The following ZFPM1 variants were observed in gnomAD, a reference collection of about 807,000 sequenced individuals.
ZFPM1 encodes the protein zinc finger protein ZFPM1.
A neutral mutation model predicts 46.3 loss-of-function variants in ZFPM1; 28 were observed. That is an observed-to-expected ratio of 0.60 (90% CI 0.45 to 0.83). The LOEUF is 0.83. Ranked by LOEUF, ZFPM1 falls within the 40% of genes least tolerant of loss-of-function variation. The probability of loss-of-function intolerance (pLI) is 0.00; values close to 1 mark genes in which losing one functional copy is unlikely to be tolerated. For missense variants in ZFPM1, 1,878 were observed against 1,432.4 expected, an observed-to-expected ratio of 1.31 and a Z score of -5.02; for synonymous variants, 957 against 675.9, an observed-to-expected ratio of 1.42 and a Z score of -6.45.
At chr16:88,467,028 A>G (rs1908167003) in intron 1 of ZFPM1, among the ~76,000 whole-genome samples, 1 of 152,150 alleles carries the variant, frequency 6.6e-6, no homozygotes, top group African/African-American at 2.4e-5. Context: ...CACCTCTCCA[A>G]AGCCCTCTCT....
At chr16:88,503,832 C>T (rs766676767) in intron 3 of ZFPM1, among the ~76,000 whole-genome samples, 16 of 152,178 alleles carry the variant, frequency 1.1e-4, no homozygotes, top group Non-Finnish European at 1.6e-4. Flanking sequence ...CTTGGGCTCC[C>T]GAGGCCTCAG....
chr16:88,468,892 G>GCCA (rs1304359081), intron 1 of ZFPM1: 1 of 152,948 alleles, frequency 6.5e-6, no homozygotes, highest in East Asian at 1.9e-4. Flanking sequence ...GGAGACCTCT[G>GCCA]CCACCACCAC....
chr16:88,477,514 A>G (rs1266919730), intron 1 of ZFPM1, among the ~76,000 whole-genome samples: 2 of 152,184 alleles, frequency 1.3e-5, no homozygotes, highest in African/African-American at 2.4e-5. Flanking sequence ...TGCAATCCCA[A>G]CACTTTGGGA....
chr16:88,461,125 A>AGAAGG (rs1907841738), intron 1 of ZFPM1, among the ~76,000 whole-genome samples: 1 of 43,620 alleles, frequency 2.3e-5, no homozygotes, highest in African/African-American at 1.5e-4. Context: ...GGACCCAGGG[A>AGAAGG]TGGGGCGGGA....
In ZFPM1 at chr16:88,457,074, A is replaced by G. The variant is rs574453723; in HGVS notation, c.40+3396A>G. Among the ~76,000 whole-genome samples, 4 of 152,336 alleles carry G rather than the reference A, an allele frequency of 2.6e-5. No individual in the cohort carries two copies. In the East Asian group the frequency reaches 7.7e-4, roughly 29 times the overall value. ...GATGACTAATTCACTCCAAGCTTCA[A>G]AGTCACCCACCTGCTCTCCCCAGCA... is the stretch of plus-strand genomic sequence containing the variant. On this transcript the variant is annotated intron_variant, in intron 1 of 9. Transcript: ENST00000319555.
chr16:88,520,116 G>A (rs1911714471), intron 4 of ZFPM1, among the ~76,000 whole-genome samples: 1 of 150,664 alleles, frequency 6.6e-6, no homozygotes, highest in Non-Finnish European at 1.5e-5. Context: ...TGAATGAATG[G>A]GTGGGTGGCT....
intron 1 of ZFPM1, among the ~76,000 whole-genome samples, chr16:88,484,544 G>A (rs1361261351): frequency 1.3e-5 from 2 of 152,250 alleles, no homozygotes; most frequent in Non-Finnish European, 2.9e-5. Flanking sequence ...TCTGGGCTCA[G>A]GAGGGCCACG....
intron 9 of ZFPM1, 97 bp from the exon 10 acceptor site, chr16:88,533,051 T>TGGC: frequency 4.4e-6 from 6 of 1,351,594 alleles, no homozygotes; most frequent in Non-Finnish European, 6.0e-6. Context: ...TCTAAACCAC[T>TGGC]CCCGCCCACC....
chr16:88,479,725 C>T (rs533690835), intron 1 of ZFPM1, among the ~76,000 whole-genome samples: 10 of 149,674 alleles, frequency 6.7e-5, no homozygotes, highest in Non-Finnish European at 1.3e-4. Flanking sequence ...TACCCAGGGC[C>T]AGCAAGACCA....
intron 3 of ZFPM1, among the ~76,000 whole-genome samples, chr16:88,505,570 C>A (rs898501699): frequency 2.6e-5 from 4 of 152,184 alleles, no homozygotes; most frequent in Non-Finnish European, 5.9e-5. Context: ...GGGCCGGCAT[C>A]GCCCTCCGCA....
intron 4 of ZFPM1, among the ~76,000 whole-genome samples, chr16:88,524,505 G>A (rs114334243): frequency 0.01 from 1,551 of 152,244 alleles, 33 homozygotes; most frequent in African/African-American, 0.035. Flanking sequence ...CACCTTTCTC[G>A]GGGCAGCCAC....
In ZFPM1 at chr16:88,512,201, C is replaced by T. The variant is rs575929941; in HGVS notation, c.269-2186C>T. On this transcript the variant is annotated intron_variant, in intron 3 of 9. Coordinates refer to ENST00000319555, the MANE Select transcript of ZFPM1 (RefSeq NM_153813.3). ...GTTTGCCTGTGGGTGCCTCGTGGGC[C>T]GGGTAGGGTGGGCACCAGTTCTGCC... 7.2e-5 allele frequency among the ~76,000 whole-genome samples: 11 copies of T among 152,272 alleles called. No homozygotes were observed. The South Asian group carries it at 1.4e-3, about 20-fold the overall frequency.
intron 3 of ZFPM1, among the ~76,000 whole-genome samples, chr16:88,501,824 G>A (rs1378142038): frequency 2.6e-5 from 4 of 152,060 alleles, no homozygotes; most frequent in African/African-American, 7.2e-5. Context: ...GATGGAGGTA[G>A]TGGGCGTGGG....
chr16:88,526,332 G>A (rs1356711394), intron 4 of ZFPM1, among the ~76,000 whole-genome samples: 2 of 152,216 alleles, frequency 1.3e-5, no homozygotes, highest in Admixed American at 6.5e-5. Flanking sequence ...GCCCACAGAG[G>A]TCATTCTGGA....
intron 3 of ZFPM1, among the ~76,000 whole-genome samples, chr16:88,491,091 C>CGCTGGTGCCTTCGCCCGTCCCGGTCAGGT (rs369643406): frequency 6.6e-6 from 1 of 150,630 alleles, no homozygotes; most frequent in Admixed American, 6.6e-5. Context: ...CCCAGTCAGG[C>CGCTGGTGCCTTCGCCCGTCCCGGTCAGGT]GCTGGTGCCT....
At chr16:88,513,313 A>T (rs1911083886) in intron 3 of ZFPM1, 1 of 152,260 alleles carries the variant, frequency 6.6e-6, no homozygotes, top group African/African-American at 2.4e-5. Context: ...CCTGGGGAAG[A>T]CAAAGACCCA....
rs577100257 is a variant in ZFPM1, at chr16:88,514,424, C to T, written c.306C>T (p.Arg102=). 3.7e-5 allele frequency: 58 copies of T among 1,560,446 alleles called. No individual in the cohort carries two copies. The African/African-American group carries it at 5.8e-4, about 16-fold the overall frequency. The change falls in exon 4 of 10, where the codon CGC becomes CGT. Residue 102 remains arginine (R), a synonymous_variant. Coordinates refer to ENST00000319555, the MANE Select transcript of ZFPM1 (RefSeq NM_153813.3). ...CGGTGGTGCAGGATGGGCAGAGGCGCATACGGGCCCGACTCAGCCTCGCCA... is the reference window on the plus strand; with the variant it reads ...CGGTGGTGCAGGATGGGCAGAGGCGTATACGGGCCCGACTCAGCCTCGCCA... ...LEPVVQDGQR[R]IRARLSLATG... is the part of the protein sequence containing the mutation.
rs1908881909 is a variant in ZFPM1, at chr16:88,480,463, A to C, written c.41-5476A>C. Among the ~76,000 whole-genome samples, 1 of 152,070 alleles carries C rather than the reference A, an allele frequency of 6.6e-6. No homozygotes were observed. Among genetic ancestry groups the C allele is most frequent in the South Asian group, 2.1e-4 (1 of 4,826 alleles). On this transcript the variant is annotated intron_variant, in intron 1 of 9. Transcript: ENST00000319555. This position sits in a 1 kb window ranked among gnomAD's most constrained non-coding sequence, Gnocchi z 4.9. Reference sequence around the variant, plus strand: ...AGAGCCGTGGTGCTGGTGGGGGAGGAGCGGGGCCGTGTGGCTGCCAGTGGT... The same window carrying C: ...AGAGCCGTGGTGCTGGTGGGGGAGGCGCGGGGCCGTGTGGCTGCCAGTGGT...
Position 88,537,022 on chromosome 16 carries a change from A to G in ZFPM1, c.*2043A>G, listed in dbSNP as rs1913272331. 6.6e-6 allele frequency: 1 copy of G among 152,116 alleles called. No homozygotes were observed. Among genetic ancestry groups the G allele is most frequent in the South Asian group, 2.1e-4 (1 of 4,824 alleles). 9.4% of individuals were successfully genotyped at this position (152,116 alleles called of 1,614,324 possible). ...AAGTAAACTGTTTAAAGGTGTCTAG[A>G]AACTACGAATACAGTCTCTGGTGAG... On this transcript the variant is annotated 3_prime_UTR_variant, in exon 10 of 10. Coordinates refer to ENST00000319555, the MANE Select transcript of ZFPM1 (RefSeq NM_153813.3).
Sources: allele counts gnomAD v4.1 joint callset (sites outside exome capture counted in the v4.1 genomes callset), GRCh38; gene constraint gnomAD v4.1.1; non-coding constraint Gnocchi (gnomAD v3.1); transcripts MANE v1.5; gene names NCBI Gene and HGNC (gene_info 2026-07-23, HGNC 2026-07-21).